DNAH7: variants seen among roughly 807,000 people sequenced by gnomAD.
DNAH7 encodes the protein dynein axonemal heavy chain 7, also known as axonemal beta dynein heavy chain 7.
DNAH7 carries 397 observed loss-of-function variants against 444.6 expected under a neutral mutation model. The observed-to-expected ratio is 0.89, with a 90% confidence interval of 0.82 to 0.97. DNAH7 has a LOEUF of 0.97. Among genes scored for constraint, DNAH7 ranks in the 50% least tolerant of loss-of-function variants. The pLI is 0.00. For synonymous variants in DNAH7, 1,636 were observed against 1,624.4 expected, an observed-to-expected ratio of 1.01 and a Z score of -0.17; for missense variants, 4,902 against 4,800.8, an observed-to-expected ratio of 1.02 and a Z score of -0.62.
At chr2:196,063,920 C>CT (rs1698273324) in intron 1 of DNAH7, 1 of 152,284 alleles carries the variant, frequency 6.6e-6, no homozygotes, top group South Asian at 2.1e-4. Flanking sequence ...TGACTCCACC[C>CT]TGCCCCTGAC....
intron 57 of DNAH7, among the ~76,000 whole-genome samples, chr2:195,792,788 T>C (rs1235807659): frequency 1.3e-5 from 2 of 150,614 alleles, no homozygotes; most frequent in Non-Finnish European, 2.9e-5. Context: ...ATGCACCTGA[T>C]GTGGGGGCAG....
chr2:195,964,209 A>G (rs1246324118), intron 17 of DNAH7, among the ~76,000 whole-genome samples: 2 of 152,346 alleles, frequency 1.3e-5, no homozygotes, highest in African/African-American at 4.8e-5. Flanking sequence ...GATAGGGATT[A>G]CACTGAATAT....
At chr2:195,891,533 GT>G (rs1306905833) in intron 31 of DNAH7, 121 bp downstream of exon 31, 2 of 898,338 alleles carry the variant, frequency 2.2e-6, no homozygotes, top group Non-Finnish European at 3.1e-6. Context: ...ATCCAGTACT[GT>G]GTTTTAAATA....
intron 15 of DNAH7, among the ~76,000 whole-genome samples, chr2:195,974,755 T>TACACACACACACACACAC (rs58054572): frequency 5.6e-5 from 8 of 143,658 alleles, no homozygotes; most frequent in African/African-American, 2.1e-4. Flanking sequence ...ATGTATATTT[T>TACACACACACACACACAC]ACACACACAC....
chr2:195,806,040 T>G (rs1696691444), intron 54 of DNAH7, among the ~76,000 whole-genome samples: 1 of 147,912 alleles, frequency 6.8e-6, no homozygotes, highest in South Asian at 2.2e-4. Context: ...ATGTCAAACT[T>G]TAATTTGAGT....
intron 5 of DNAH7, among the ~76,000 whole-genome samples, chr2:196,043,171 C>T (rs372339366): frequency 3.7e-4 from 56 of 151,684 alleles, no homozygotes; most frequent in African/African-American, 8.2e-4. Context: ...AAACTCACTA[C>T]GTTTTACATT....
At chr2:196,025,891 G>A (rs981209562) in intron 7 of DNAH7, among the ~76,000 whole-genome samples, 8 of 151,922 alleles carry the variant, frequency 5.3e-5, no homozygotes, top group South Asian at 2.1e-4. Flanking sequence ...CACAGCATCC[G>A]TCATACTAGG....
chr2:196,054,255 T>C (rs923191689), intron 2 of DNAH7, among the ~76,000 whole-genome samples: 1 of 152,220 alleles, frequency 6.6e-6, no homozygotes, highest in Non-Finnish European at 1.5e-5. Flanking sequence ...GTGTGATGGC[T>C]CATGCCTGTA....
At chr2:195,742,656 A>G (rs1693114461) in intron 63 of DNAH7, among the ~76,000 whole-genome samples, 1 of 152,220 alleles carries the variant, frequency 6.6e-6, no homozygotes, top group African/African-American at 2.4e-5. Context: ...GTCCTGCTCT[A>G]TGAGTGATGC....
chr2:195,806,679 G>A, intron 54 of DNAH7, 61 bp downstream of exon 54: 1 of 1,424,402 alleles, frequency 7.0e-7, no homozygotes, highest in South Asian at 1.3e-5. Flanking sequence ...CGCACATTTG[G>A]ATGGACTGAG....
chr2:195,798,210 A>G (rs1026084565), intron 55 of DNAH7, among the ~76,000 whole-genome samples: 2 of 152,106 alleles, frequency 1.3e-5, no homozygotes, highest in African/African-American at 4.8e-5. Context: ...GGAGATACTT[A>G]ACCTGTCCAT....
At chr2:195,855,441 T>C (rs1190544516) in intron 45 of DNAH7, among the ~76,000 whole-genome samples, 2 of 152,156 alleles carry the variant, frequency 1.3e-5, no homozygotes, top group Non-Finnish European at 2.9e-5. Flanking sequence ...AAGTGAAAAA[T>C]GATTAAATAA....
chr2:196,033,349 TA>T lies in DNAH7; in HGVS notation c.399-5303del, dbSNP rs1408704535. Among the ~76,000 whole-genome samples, 6 of 152,264 alleles carry T rather than the reference TA, an allele frequency of 3.9e-5. No homozygotes were observed. In the East Asian group the frequency reaches 9.6e-4, roughly 24 times the overall value. On this transcript the variant is annotated intron_variant, in intron 5 of 64. Coordinates refer to ENST00000312428, the MANE Select transcript of DNAH7 (RefSeq NM_018897.3). The stretch of plus-strand genomic sequence containing the variant: ...CTCTCAAAGATTTTGAAATGCACAA[TA>T]CATTTACTAAATTTGCCATGCTGTG...
chr2:196,063,173 C>G (rs866290057), intron 1 of DNAH7: 1 of 152,346 alleles, frequency 6.6e-6, no homozygotes, highest in Admixed American at 6.5e-5. Context: ...TAAGCCACCA[C>G]GCCTGGCCAG....
At chr2:196,030,492 C>T (rs1020619206) in intron 5 of DNAH7, among the ~76,000 whole-genome samples, 4 of 152,204 alleles carry the variant, frequency 2.6e-5, no homozygotes, top group Non-Finnish European at 5.9e-5. Flanking sequence ...CTCCTAAAGT[C>T]TTAACTCATT....
At chr2:195,912,221 T>C (rs1687401184) in intron 24 of DNAH7, among the ~76,000 whole-genome samples, 1 of 152,120 alleles carries the variant, frequency 6.6e-6, no homozygotes, top group Non-Finnish European at 1.5e-5. Flanking sequence ...CTTTTCCCTC[T>C]CCCAAGCTAA....
At position 196,026,931 on chromosome 2, in the gene DNAH7, A is replaced by G. The variant is rs1193032199; in HGVS notation, c.496T>C (p.Tyr166His). The G allele has an allele frequency of 9.4e-6, 15 of 1,590,074 alleles. No homozygotes were observed. Among genetic ancestry groups the G allele is most frequent in the Non-Finnish European group, 1.3e-5 (15 of 1,167,692 alleles). Residue 166 changes from tyrosine to histidine, a missense_variant, in exon 7 of 65, where the codon TAT (tyrosine) becomes CAT (histidine). By Grantham distance (83) the Tyr-to-His change is moderately conservative (BLOSUM62 2). Transcript: ENST00000312428. ...GTATCAATTCCATGGTGAATATAAT[A>G]GTAATATCTCTACAAAAAGAAGATA... ...AIEKDILRYY[Y>H]YIHHGIDTDH...
chr2:195,756,426 AAG>A, intron 61 of DNAH7, 141 bp from the exon 62 acceptor site: 1 of 689,824 alleles, frequency 1.4e-6, no homozygotes, highest in Non-Finnish European at 2.1e-6. Flanking sequence ...GAAAAAAAAA[AAG>A]TGAAGATATT....
chr2:195,973,269 CT>C (rs1355699790), intron 15 of DNAH7, among the ~76,000 whole-genome samples: 2 of 152,134 alleles, frequency 1.3e-5, no homozygotes, highest in Non-Finnish European at 2.9e-5. Flanking sequence ...TCCAGTCCCC[CT>C]GGTACCAATA....
Sources: allele counts gnomAD v4.1 joint callset (sites outside exome capture counted in the v4.1 genomes callset), GRCh38; gene constraint gnomAD v4.1.1; transcripts MANE v1.5; gene names NCBI Gene and HGNC (gene_info 2026-07-23, HGNC 2026-07-21).